Variants in MICU1 observed in about 807,000 individuals in gnomAD.
The protein encoded by MICU1 is mitochondrial calcium uptake 1.
A neutral mutation model predicts 56.8 loss-of-function variants in MICU1; 45 were observed. The ratio of observed to expected loss-of-function variants is 0.79; its 90% CI spans 0.62 to 1.02. MICU1 has a LOEUF of 1.02. Among genes scored for constraint, MICU1 ranks in the 50% least tolerant of loss-of-function variants. The pLI, the probability that MICU1 is intolerant of heterozygous loss-of-function variation, is 0.00. For synonymous variants in MICU1, 186 were observed against 195.1 expected (o/e 0.95, Z 0.39); for missense variants, 504 against 587.1 (o/e 0.86, Z 1.46).
At chr10:72,374,948 T>A (rs977268158) in intron 11 of MICU1, among the ~76,000 whole-genome samples, 11 of 151,468 alleles carry the variant, frequency 7.3e-5, no homozygotes, top group African/African-American at 2.2e-4. Context: ...GTAGCTGGGA[T>A]TTCAGGCACG....
At chr10:72,559,560 T>C (rs1422327759) in intron 3 of MICU1, among the ~76,000 whole-genome samples, 1 of 152,084 alleles carries the variant, frequency 6.6e-6, no homozygotes, top group Admixed American at 6.6e-5. Context: ...GCACAGTGGC[T>C]CATGCCTGTA....
intron 1 of MICU1, among the ~76,000 whole-genome samples, chr10:72,567,294 T>C (rs182758185): frequency 1.2e-4 from 19 of 152,156 alleles, no homozygotes; most frequent in African/African-American, 4.3e-4. Context: ...CAGTGAGCTA[T>C]GATCAACAGA....
intron 1 of MICU1, among the ~76,000 whole-genome samples, chr10:72,619,757 T>C (rs1027511880): frequency 6.6e-6 from 1 of 152,100 alleles, no homozygotes; most frequent in Non-Finnish European, 1.5e-5. Context: ...CAATAATTCA[T>C]TAATCTAGTT....
chr10:72,581,738 T>C (rs776177354), intron 1 of MICU1, among the ~76,000 whole-genome samples: 12 of 152,330 alleles, frequency 7.9e-5, no homozygotes, highest in Non-Finnish European at 1.6e-4. Flanking sequence ...CAGCCACCCA[T>C]TGACCAGTAA....
chr10:72,572,156 A>G lies in MICU1; in HGVS notation c.-1-5362T>C, dbSNP rs373863428. Among the ~76,000 whole-genome samples, 10 of 152,168 alleles carry G rather than the reference A, an allele frequency of 6.6e-5. No homozygotes were observed. In the East Asian group the frequency reaches 9.6e-4, roughly 15 times the overall value. On this transcript the variant is annotated intron_variant, in intron 1 of 11. Transcript: ENST00000361114. ...GGGAAAAAAGCTCACTCACTGGTAA[A>G]ATGAAAGAATTGCGTAGGTGAGCTT... is the stretch of plus-strand genomic sequence containing the variant.
intron 1 of MICU1, among the ~76,000 whole-genome samples, chr10:72,578,847 C>T (rs1840821985): frequency 1.3e-5 from 2 of 152,108 alleles, no homozygotes; most frequent in African/African-American, 4.8e-5. Flanking sequence ...CCTTGTGATC[C>T]ATCCGCCTTG....
intron 5 of MICU1, among the ~76,000 whole-genome samples, chr10:72,530,612 A>T (rs1314514334): frequency 6.6e-6 from 1 of 152,128 alleles, no homozygotes; most frequent in African/African-American, 2.4e-5. Flanking sequence ...ATGGTTTGGA[A>T]ATGCAATAGA....
intron 1 of MICU1, among the ~76,000 whole-genome samples, chr10:72,618,166 C>CAA (rs879790604): frequency 5.3e-4 from 45 of 85,278 alleles, no homozygotes; most frequent in Non-Finnish European, 5.7e-4. Context: ...GACTCTGTCT[C>CAA]AAAAAAAAAA....
rs377738849 is a variant in MICU1, at chr10:72,566,794, C to G, written c.-1G>C. 1.9e-5 allele frequency: 30 copies of G among 1,606,180 alleles called. No individual in the cohort carries two copies. The highest frequency in any genetic ancestry group is 2.1e-5 in the Non-Finnish European group (25 of 1,176,876). ...CAGAAAGTGAGTTCAGACGAAACATCCTGTGGACAATAAGTAGAAATGTCA... is the reference window on the plus strand; with the variant it reads ...CAGAAAGTGAGTTCAGACGAAACATGCTGTGGACAATAAGTAGAAATGTCA... On this transcript the variant is annotated splice_region_variant and 5_prime_UTR_variant, in exon 2 of 12. Transcript: ENST00000361114.
chr10:72,493,900 C>T (rs1866750601), intron 6 of MICU1, among the ~76,000 whole-genome samples: 1 of 152,024 alleles, frequency 6.6e-6, no homozygotes, highest in Non-Finnish European at 1.5e-5. Context: ...AAGGTTTTGC[C>T]AATAATTTAT....
At chr10:72,381,740 G>A (rs1862710257) in intron 10 of MICU1, among the ~76,000 whole-genome samples, 1 of 152,122 alleles carries the variant, frequency 6.6e-6, no homozygotes, top group Non-Finnish European at 1.5e-5. Context: ...CCCAGATGAT[G>A]GCTTCAATGG....
chr10:72,465,474 C>T (rs1007195564), intron 8 of MICU1, among the ~76,000 whole-genome samples: 4 of 147,012 alleles, frequency 2.7e-5, no homozygotes, highest in African/African-American at 1.0e-4. Context: ...ACCCATTTGC[C>T]GTCACATGGA....
intron 8 of MICU1, among the ~76,000 whole-genome samples, chr10:72,459,199 C>T (rs575191053): frequency 2.6e-5 from 4 of 151,950 alleles, no homozygotes; most frequent in Admixed American, 6.6e-5. Context: ...GGTGTGGTGG[C>T]GCATGTCTAT....
chr10:72,485,329 C>T (rs1180569001), intron 6 of MICU1, among the ~76,000 whole-genome samples: 3 of 151,964 alleles, frequency 2.0e-5, no homozygotes, highest in East Asian at 1.9e-4. Context: ...CCTCCTTCCT[C>T]GACCTCCCAA....
At chr10:72,623,490 C>T (rs1360889083) in intron 1 of MICU1, among the ~76,000 whole-genome samples, 3 of 151,880 alleles carry the variant, frequency 2.0e-5, no homozygotes, top group Non-Finnish European at 4.4e-5. Context: ...ACCTGCAATC[C>T]CAGAACTTTG....
chr10:72,572,975 C>T (rs1003517343), intron 1 of MICU1, among the ~76,000 whole-genome samples: 1 of 151,934 alleles, frequency 6.6e-6, no homozygotes, highest in African/African-American at 2.4e-5. Flanking sequence ...TACTTGCACA[C>T]TTGTGAAATT....
At chr10:72,501,194 A>G (rs1867057155) in intron 6 of MICU1, among the ~76,000 whole-genome samples, 1 of 152,150 alleles carries the variant, frequency 6.6e-6, no homozygotes, top group Admixed American at 6.5e-5. Flanking sequence ...AATCCATCAA[A>G]GCTGATTAGA....
chr10:72,448,190 TATA>T (rs1264124425), intron 8 of MICU1, among the ~76,000 whole-genome samples: 762 of 72,034 alleles, frequency 0.011, 18 homozygotes, highest in African/African-American at 0.034. Context: ...TATATATATA[TATA>T]TTTTTTTTTT....
chr10:72,583,576 C>T (rs1440760880), intron 1 of MICU1, among the ~76,000 whole-genome samples: 2 of 152,008 alleles, frequency 1.3e-5, no homozygotes, highest in Admixed American at 6.6e-5. Context: ...CCTCGCCTGG[C>T]CTGAATGCAT....
Sources: allele counts gnomAD v4.1 joint callset (sites outside exome capture counted in the v4.1 genomes callset), GRCh38; gene constraint gnomAD v4.1.1; transcripts MANE v1.5; gene names NCBI Gene and HGNC (gene_info 2026-07-23, HGNC 2026-07-21).